RFX3: variants seen among roughly 807,000 people sequenced by gnomAD.
RFX3 encodes transcription factor RFX3.
Under a neutral mutation model 98.6 loss-of-function variants are expected in RFX3, and 14 were observed. That is an observed-to-expected ratio of 0.14 (90% CI 0.09 to 0.22). The LOEUF (loss-of-function observed/expected upper bound fraction) is 0.22, where lower values mean the gene tolerates loss of function less well. Among genes scored for constraint, RFX3 ranks in the 10% least tolerant of loss-of-function variants. The pLI is 1.00. For synonymous variants in RFX3, 383 were observed against 328.4 expected, an observed-to-expected ratio of 1.17 and a Z score of -1.80; for missense variants, 639 against 926.9, an observed-to-expected ratio of 0.69 and a Z score of 4.03.
chr9:3,395,746 G>C, intron 1 of RFX3, 150 bp from the exon 2 acceptor site: 1 of 747,230 alleles, frequency 1.3e-6, no homozygotes, highest in Non-Finnish European at 2.1e-6. Flanking sequence ...CCGTGCATGT[G>C]TATGGTCATT....
intron 6 of RFX3, among the ~76,000 whole-genome samples, chr9:3,291,663 C>T (rs1053418650): frequency 2.0e-5 from 3 of 152,026 alleles, no homozygotes; most frequent in South Asian, 2.1e-4. Flanking sequence ...GTTAATCTTT[C>T]GTTATAGGGG....
chr9:3,524,827 G>GCGCACA (rs1307645924), intron 1 of RFX3, among the ~76,000 whole-genome samples: 6 of 128,132 alleles, frequency 4.7e-5, no homozygotes, highest in Non-Finnish European at 8.1e-5. Flanking sequence ...TAAATCACAA[G>GCGCACA]CACACACACA....
At chr9:3,386,433 C>T (rs1166707049) in intron 2 of RFX3, among the ~76,000 whole-genome samples, 1 of 152,004 alleles carries the variant, frequency 6.6e-6, no homozygotes, top group African/African-American at 2.4e-5. Context: ...ATGAGCAAGA[C>T]ATTGTTACAA....
At chr9:3,288,790 TAAAGACTTACTTAATATTTTG>T (rs1342993570) in intron 6 of RFX3, among the ~76,000 whole-genome samples, 10 of 152,164 alleles carry the variant, frequency 6.6e-5, no homozygotes, top group Non-Finnish European at 1.3e-4. Context: ...AATGTTGTGG[TAAAGACTTACTTAATATTTTG>T]AAACCTAAAA....
At chr9:3,415,432 C>G (rs1476463006) in intron 1 of RFX3, among the ~76,000 whole-genome samples, 1 of 151,746 alleles carries the variant, frequency 6.6e-6, no homozygotes, top group Non-Finnish European at 1.5e-5. Flanking sequence ...TTTTAATATA[C>G]ACAATAATAG....
At chr9:3,241,226 T>G (rs1413594926) in intron 15 of RFX3, among the ~76,000 whole-genome samples, 20 of 2,026 alleles carry the variant, frequency 9.9e-3, no homozygotes, top group Middle Eastern at 0.5. Flanking sequence ...AGTTTTTTGT[T>G]TTTTTTTTTT....
intron 5 of RFX3, among the ~76,000 whole-genome samples, chr9:3,295,421 G>C (rs554501541): frequency 6.6e-6 from 1 of 152,156 alleles, no homozygotes; most frequent in South Asian, 2.1e-4. Context: ...ATACTAGACA[G>C]AGCAAGGGTT....
intron 1 of RFX3, among the ~76,000 whole-genome samples, chr9:3,479,118 T>C (rs1028901067): frequency 6.6e-6 from 1 of 152,288 alleles, no homozygotes; most frequent in East Asian, 1.9e-4. Flanking sequence ...GAGAGAGAGA[T>C]GAGAATAACC....
chr9:3,483,351 G>C (rs1849971040), intron 1 of RFX3, among the ~76,000 whole-genome samples: 1 of 152,120 alleles, frequency 6.6e-6, no homozygotes, highest in Non-Finnish European at 1.5e-5. Context: ...AATAACAATA[G>C]TGTCCCTGTT....
intron 1 of RFX3, among the ~76,000 whole-genome samples, chr9:3,414,632 A>ATATATATATGAG (rs1842742897): frequency 7.4e-6 from 1 of 135,352 alleles, no homozygotes; most frequent in Admixed American, 7.5e-5. Context: ...ATACGAGTGT[A>ATATATATATGAG]TATATATATG....
At chr9:3,522,128 C>G (rs554594207) in intron 1 of RFX3, among the ~76,000 whole-genome samples, 1 of 152,116 alleles carries the variant, frequency 6.6e-6, no homozygotes, top group South Asian at 2.1e-4. Flanking sequence ...TTTAGACAGC[C>G]CTTTTGTCAA....
At chr9:3,465,539 G>A (rs2133123082) in intron 1 of RFX3, among the ~76,000 whole-genome samples, 1 of 149,288 alleles carries the variant, frequency 6.7e-6, no homozygotes, top group Non-Finnish European at 1.5e-5. Flanking sequence ...CCCGACCTTA[G>A]GTGATCCACC....
chr9:3,429,470 T>C (rs1372763659), intron 1 of RFX3, among the ~76,000 whole-genome samples: 1 of 151,530 alleles, frequency 6.6e-6, no homozygotes, highest in Non-Finnish European at 1.5e-5. Context: ...TAGACATAAA[T>C]TGACAACTAT....
intron 2 of RFX3, among the ~76,000 whole-genome samples, chr9:3,392,907 A>G (rs1037875736): frequency 6.6e-6 from 1 of 152,192 alleles, no homozygotes; most frequent in Non-Finnish European, 1.5e-5. Flanking sequence ...AAGCATTTAT[A>G]TATCATGGTA....
At chr9:3,233,889 TATC>T (rs1563774122) in intron 15 of RFX3, among the ~76,000 whole-genome samples, 2 of 152,174 alleles carry the variant, frequency 1.3e-5, no homozygotes, top group Non-Finnish European at 1.5e-5. Flanking sequence ...TATGTATAAA[TATC>T]ATCATTATCT....
intron 1 of RFX3, among the ~76,000 whole-genome samples, chr9:3,424,703 A>C (rs1351288813): frequency 6.6e-6 from 1 of 152,138 alleles, no homozygotes; most frequent in African/African-American, 2.4e-5. Flanking sequence ...CTATGTATTC[A>C]GTTTTTATAA....
chr9:3,249,743 A>G (rs1028319967), intron 14 of RFX3, among the ~76,000 whole-genome samples: 1 of 152,100 alleles, frequency 6.6e-6, no homozygotes, highest in African/African-American at 2.4e-5. Context: ...TTGTGATCAT[A>G]TAATTTTTTG....
intron 13 of RFX3, among the ~76,000 whole-genome samples, chr9:3,260,380 A>T (rs1223378139): frequency 1.3e-5 from 2 of 152,062 alleles, no homozygotes; most frequent in Admixed American, 1.3e-4. Context: ...AAATGTTCCC[A>T]AGGTTAATGC....
chr9:3,403,381 T>A (rs1841662299), intron 1 of RFX3, among the ~76,000 whole-genome samples: 1 of 152,164 alleles, frequency 6.6e-6, no homozygotes, highest in Non-Finnish European at 1.5e-5. Context: ...TTTGATGTTG[T>A]AATCCTCATG....
Sources: allele counts gnomAD v4.1 joint callset (sites outside exome capture counted in the v4.1 genomes callset), GRCh38; gene constraint gnomAD v4.1.1; transcripts MANE v1.5; gene names NCBI Gene and HGNC (gene_info 2026-07-23, HGNC 2026-07-21).